The following GALNT17 variants were observed in gnomAD, a reference collection of about 807,000 sequenced individuals.
The protein encoded by GALNT17 is polypeptide N-acetylgalactosaminyltransferase 17, also known as UDP-GalNAc:polypeptide N-acetylgalactosaminyltransferase-like 3.
A neutral mutation model predicts 63.7 loss-of-function variants in GALNT17; 29 were observed. The observed-to-expected ratio is 0.46, with a 90% confidence interval of 0.34 to 0.62. GALNT17 has a LOEUF of 0.62. Among genes scored for constraint, GALNT17 ranks in the 20% least tolerant of loss-of-function variants. GALNT17 has a pLI of 0.01. For synonymous variants in GALNT17, 305 were observed against 318.3 expected (o/e 0.96, Z 0.45); for missense variants, 603 against 799.6 (o/e 0.75, Z 2.97).
At chr7:71,474,969 T>C (rs1787699522) in intron 5 of GALNT17, among the ~76,000 whole-genome samples, 1 of 151,182 alleles carries the variant, frequency 6.6e-6, no homozygotes, top group Non-Finnish European at 1.5e-5. Flanking sequence ...ACTGAAGGGA[T>C]GCAGCCGCAA....
chr7:71,469,359 G>T (rs766899821), intron 5 of GALNT17, among the ~76,000 whole-genome samples: 1 of 152,152 alleles, frequency 6.6e-6, no homozygotes, highest in Non-Finnish European at 1.5e-5. Context: ...TATTCCTGTG[G>T]CCTAGGACTG....
At chr7:71,444,720 A>G (rs1282868705) in intron 5 of GALNT17, among the ~76,000 whole-genome samples, 2 of 152,120 alleles carry the variant, frequency 1.3e-5, no homozygotes, top group Non-Finnish European at 2.9e-5. Context: ...CCAGCTACTC[A>G]GGAGGCTGAG....
In GALNT17 at chr7:71,623,730, G is replaced by T. The variant is rs187329977; in HGVS notation, c.1081-41681G>T. 6.8e-4 allele frequency among the ~76,000 whole-genome samples: 103 copies of T among 152,206 alleles called. 1 individual carries two copies. Among genetic ancestry groups the T allele is most frequent in the Non-Finnish European group, 1.2e-4 (8 of 68,012 alleles). On this transcript the variant is annotated intron_variant, in intron 6 of 10. Transcript: ENST00000333538. ...GGATTACCGGCGTGAGCCACCGTGC[G>T]TGGCCTCAGTGGTAGTTTTGTTTCT...
chr7:71,680,495 CCTCT>C, intron 9 of GALNT17, among the ~76,000 whole-genome samples: 1 of 86,326 alleles, frequency 1.2e-5, no homozygotes, highest in African/African-American at 3.3e-5. Flanking sequence ...TTCCTCCCTC[CCTCT>C]CTCCCTTCCT....
intron 5 of GALNT17, among the ~76,000 whole-genome samples, chr7:71,478,610 C>T (rs1243873377): frequency 1.3e-5 from 2 of 152,094 alleles, no homozygotes; most frequent in South Asian, 2.1e-4. Context: ...GCCACCGCAC[C>T]CAGCCTGAGT....
chr7:71,319,701 C>T (rs1241360319), intron 1 of GALNT17, among the ~76,000 whole-genome samples: 2 of 152,178 alleles, frequency 1.3e-5, no homozygotes, highest in East Asian at 3.8e-4. Flanking sequence ...CTTTTCTCCC[C>T]CTTCTCCATC....
rs997690833 is a variant in GALNT17, at chr7:71,687,485, AG to A, written c.1500+10180del. Among the ~76,000 whole-genome samples the A allele has an allele frequency of 3.3e-5, 5 of 152,152 alleles. No homozygotes were observed. In the South Asian group the frequency reaches 1.0e-3, roughly 31 times the overall value. ...CCAGATGCTATCATGTAAGTGTCGG[AG>A]CTCAGGCAACGCAGCCTTTGAGAAC... On this transcript the variant is annotated intron_variant, in intron 9 of 10. Coordinates refer to ENST00000333538, the MANE Select transcript of GALNT17 (RefSeq NM_022479.3).
chr7:71,155,841 G>A (rs544710447), intron 1 of GALNT17, among the ~76,000 whole-genome samples: 1 of 151,868 alleles, frequency 6.6e-6, no homozygotes, highest in East Asian at 1.9e-4. Context: ...TCTGAATTAT[G>A]GCCTTATAAC....
At chr7:71,561,363 C>T (rs993511364) in intron 5 of GALNT17, among the ~76,000 whole-genome samples, 2 of 152,106 alleles carry the variant, frequency 1.3e-5, no homozygotes, top group Admixed American at 1.3e-4. Flanking sequence ...AAGAAGTTGG[C>T]GGTACTACGA....
chr7:71,220,796 G>T (rs1162199037), intron 1 of GALNT17, among the ~76,000 whole-genome samples: 9 of 152,074 alleles, frequency 5.9e-5, no homozygotes, highest in African/African-American at 2.2e-4. Flanking sequence ...AAGGAGAGAC[G>T]TCTCAGAATG....
intron 9 of GALNT17, among the ~76,000 whole-genome samples, chr7:71,690,032 T>TC (rs1449991189): frequency 1.3e-5 from 2 of 151,484 alleles, no homozygotes; most frequent in African/African-American, 4.9e-5. Flanking sequence ...TTTTTTTTTT[T>TC]TTCTTTTTTT....
intron 2 of GALNT17, among the ~76,000 whole-genome samples, chr7:71,355,262 T>A (rs1360491956): frequency 6.6e-6 from 1 of 152,192 alleles, no homozygotes; most frequent in Non-Finnish European, 1.5e-5. Context: ...TTTTCCTTTC[T>A]GAAAAGCATT....
At chr7:71,290,324 T>G (rs930516401) in intron 1 of GALNT17, among the ~76,000 whole-genome samples, 1 of 152,108 alleles carries the variant, frequency 6.6e-6, no homozygotes, top group Non-Finnish European at 1.5e-5. Flanking sequence ...ATGACAAGAG[T>G]CTTTGGAAAG....
chr7:71,529,067 A>C (rs1442816767), intron 5 of GALNT17, among the ~76,000 whole-genome samples: 2 of 152,110 alleles, frequency 1.3e-5, no homozygotes, highest in Non-Finnish European at 2.9e-5. Context: ...CCCGGGAGGC[A>C]GAGGTTGCAG....
chr7:71,330,278 G>T (rs58768169), intron 1 of GALNT17, among the ~76,000 whole-genome samples: 3,025 of 152,132 alleles, frequency 0.02, 87 homozygotes, highest in African/African-American at 0.069. Flanking sequence ...CTCCCAAAGT[G>T]CTGGGATTAC....
chr7:71,642,013 C>T (rs1469999122), intron 6 of GALNT17, among the ~76,000 whole-genome samples: 2 of 152,098 alleles, frequency 1.3e-5, no homozygotes, highest in African/African-American at 2.4e-5. Context: ...CTGAGAGGCC[C>T]CATTGAAGCT....
intron 5 of GALNT17, among the ~76,000 whole-genome samples, chr7:71,513,829 G>A (rs753563015): frequency 3.9e-5 from 6 of 152,174 alleles, no homozygotes; most frequent in Non-Finnish European, 8.8e-5. Flanking sequence ...TGATAATTGA[G>A]ACAAATGGCA....
intron 6 of GALNT17, among the ~76,000 whole-genome samples, chr7:71,607,229 A>G (rs894269234): frequency 2.0e-5 from 3 of 152,218 alleles, no homozygotes; most frequent in African/African-American, 7.2e-5. Flanking sequence ...TGAGAAGCCC[A>G]CTAAAAATAC....
intron 1 of GALNT17, among the ~76,000 whole-genome samples, chr7:71,245,362 A>T (rs1201163594): frequency 6.6e-6 from 1 of 152,136 alleles, no homozygotes; most frequent in Non-Finnish European, 1.5e-5. Flanking sequence ...TGTTGTTGCC[A>T]TTTTTACTTT....
Sources: allele counts gnomAD v4.1 joint callset (sites outside exome capture counted in the v4.1 genomes callset), GRCh38; gene constraint gnomAD v4.1.1; transcripts MANE v1.5; gene names NCBI Gene and HGNC (gene_info 2026-07-23, HGNC 2026-07-21).